Variants in SPTLC3 observed in about 807,000 individuals in gnomAD.
SPTLC3 encodes serine palmitoyltransferase long chain base subunit 3, also known as serine palmitoyltransferase 3.
SPTLC3 carries 36 observed loss-of-function variants against 59.3 expected under a neutral mutation model. The ratio of observed to expected loss-of-function variants is 0.61; its 90% CI spans 0.47 to 0.80. The LOEUF (loss-of-function observed/expected upper bound fraction) is 0.80, where lower values mean the gene tolerates loss of function less well. Ranked by LOEUF, SPTLC3 falls within the 30% of genes least tolerant of loss-of-function variation. The pLI, the probability that SPTLC3 is intolerant of heterozygous loss-of-function variation, is 0.00. For synonymous variants in SPTLC3, 257 were observed against 240.8 expected (o/e 1.07, Z -0.62); for missense variants, 625 against 685.1 (o/e 0.91, Z 0.98).
intron 8 of SPTLC3, among the ~76,000 whole-genome samples, chr20:13,123,848 C>A (rs1206523143): frequency 1.3e-5 from 2 of 151,692 alleles, no homozygotes; most frequent in East Asian, 3.9e-4. Context: ...ATTCCCAGGA[C>A]CCACCCACCC....
chr20:13,037,749 C>G (rs1041920904), intron 1 of SPTLC3, among the ~76,000 whole-genome samples: 3 of 152,256 alleles, frequency 2.0e-5, no homozygotes, highest in East Asian at 3.9e-4. Context: ...ATAATGCTAA[C>G]TGCTGCAACA....
intron 8 of SPTLC3, among the ~76,000 whole-genome samples, chr20:13,125,482 C>A (rs1279444479): frequency 2.0e-5 from 3 of 152,218 alleles, no homozygotes; most frequent in African/African-American, 2.4e-5. Context: ...TGCTGTGTAA[C>A]AAACCACCCC....
chr20:13,100,252 C>A (rs1951769762), intron 6 of SPTLC3, among the ~76,000 whole-genome samples: 1 of 152,108 alleles, frequency 6.6e-6, no homozygotes, highest in Non-Finnish European at 1.5e-5. Context: ...ATAGGCTTGA[C>A]CATTAACTCC....
At chr20:13,071,417 G>A (rs1189814309) in intron 2 of SPTLC3, among the ~76,000 whole-genome samples, 1 of 152,134 alleles carries the variant, frequency 6.6e-6, no homozygotes, top group Non-Finnish European at 1.5e-5. Context: ...AAATTAATTT[G>A]ATGAATCTGA....
At position 13,088,336 on chromosome 20, in the gene SPTLC3, CTTTG is replaced by C. The variant is rs1989075401; in HGVS notation, c.608-2743_608-2740del. Among the ~76,000 whole-genome samples, 5 of 151,870 alleles carry C rather than the reference CTTTG, an allele frequency of 3.3e-5. No homozygotes were observed. In the South Asian group the frequency reaches 1.0e-3, roughly 32 times the overall value. ...TGTTGTTGTTGTTGTTTGTTTTTGT[CTTTG>C]TTTTTGTTTTTTGAGATGGAGTCTT... On this transcript the variant is annotated intron_variant, in intron 4 of 11. Transcript: ENST00000399002.
intron 1 of SPTLC3, among the ~76,000 whole-genome samples, chr20:13,034,103 T>C (rs1022525609): frequency 3.3e-5 from 5 of 152,188 alleles, no homozygotes; most frequent in Non-Finnish European, 5.9e-5. Flanking sequence ...CAGATTATTG[T>C]CTTCTGTACC....
chr20:13,093,688 A>G, intron 6 of SPTLC3, 111 bp downstream of exon 6: 1 of 916,634 alleles, frequency 1.1e-6, no homozygotes, highest in Non-Finnish European at 1.6e-6. Context: ...GCCTCATGAA[A>G]CACAATTATG....
At chr20:13,127,218 G>A (rs1295168984) in intron 9 of SPTLC3, among the ~76,000 whole-genome samples, 2 of 152,198 alleles carry the variant, frequency 1.3e-5, no homozygotes, top group Non-Finnish European at 2.9e-5. Context: ...TGGGACCAGA[G>A]CTAAACTGTG....
At chr20:13,094,696 C>T (rs913163090) in intron 6 of SPTLC3, among the ~76,000 whole-genome samples, 4 of 152,174 alleles carry the variant, frequency 2.6e-5, no homozygotes, top group African/African-American at 9.7e-5. Context: ...CTCAAGTGAA[C>T]CCCCTTGTCT....
chr20:13,126,825 T>C, intron 9 of SPTLC3, 108 bp downstream of exon 9: 1 of 1,404,636 alleles, frequency 7.1e-7, no homozygotes, highest in Non-Finnish European at 9.4e-7. Flanking sequence ...GAACCCTATT[T>C]GTAAATCAAG....
chr20:13,158,799 C>T (rs2038831544), intron 10 of SPTLC3, among the ~76,000 whole-genome samples: 1 of 152,220 alleles, frequency 6.6e-6, no homozygotes, highest in Non-Finnish European at 1.5e-5. Flanking sequence ...TATGTTCTAT[C>T]TGAAACAACC....
intron 11 of SPTLC3, among the ~76,000 whole-genome samples, chr20:13,160,912 G>A (rs556516597): frequency 2.0e-5 from 3 of 152,170 alleles, no homozygotes; most frequent in South Asian, 2.1e-4. Flanking sequence ...TTTGAGCCAG[G>A]CCTTTTTAAT....
At chr20:13,162,958 G>T (rs1422114460) in intron 11 of SPTLC3, among the ~76,000 whole-genome samples, 1 of 152,128 alleles carries the variant, frequency 6.6e-6, no homozygotes, top group Non-Finnish European at 1.5e-5. Context: ...TGTGTTCTGG[G>T]TGGTCTTGGA....
intron 11 of SPTLC3, among the ~76,000 whole-genome samples, chr20:13,160,947 A>AG (rs1354209782): frequency 6.6e-6 from 1 of 152,230 alleles, no homozygotes; most frequent in Non-Finnish European, 1.5e-5. Flanking sequence ...ATCATTCAAG[A>AG]CTTCCAATCA....
At chr20:13,110,419 C>T (rs1266324415) in intron 7 of SPTLC3, among the ~76,000 whole-genome samples, 4 of 152,184 alleles carry the variant, frequency 2.6e-5, no homozygotes, top group Non-Finnish European at 4.4e-5. Context: ...GGCACAGCAG[C>T]TTGGAGGCTG....
At chr20:13,012,115 A>C (rs188957649) in intron 1 of SPTLC3, among the ~76,000 whole-genome samples, 1 of 152,316 alleles carries the variant, frequency 6.6e-6, no homozygotes, top group East Asian at 1.9e-4. Flanking sequence ...TTGGAAAACC[A>C]AAACCTAGGA....
intron 2 of SPTLC3, among the ~76,000 whole-genome samples, chr20:13,052,228 C>T (rs1270570258): frequency 6.6e-6 from 1 of 152,080 alleles, no homozygotes; most frequent in Non-Finnish European, 1.5e-5. Flanking sequence ...GAGGGCAAGC[C>T]GAAGCAGGGT....
At chr20:13,120,222 CAGAT>C (rs1445477594) in intron 8 of SPTLC3, among the ~76,000 whole-genome samples, 12 of 152,048 alleles carry the variant, frequency 7.9e-5, no homozygotes, top group African/African-American at 2.7e-4. Flanking sequence ...TACTGTAAGA[CAGAT>C]AGATAGGTAG....
At chr20:13,037,997 G>A (rs1440691421) in intron 1 of SPTLC3, among the ~76,000 whole-genome samples, 1 of 147,376 alleles carries the variant, frequency 6.8e-6, no homozygotes, top group Non-Finnish European at 1.5e-5. Context: ...TGAGTCACAT[G>A]GCCTACCACA....
Sources: gnomAD v4.1 joint callset for allele counts (sites outside exome capture counted in the v4.1 genomes callset) on GRCh38, gnomAD v4.1.1 for gene constraint, MANE v1.5 for transcripts, NCBI Gene and HGNC (gene_info 2026-07-23, HGNC 2026-07-21) for gene names.